The following ATP9B variants were observed in gnomAD, a reference collection of about 807,000 sequenced individuals.
ATP9B encodes the protein probable phospholipid-transporting ATPase IIB.
Under a neutral mutation model 146.1 loss-of-function variants are expected in ATP9B, and 110 were observed. That is an observed-to-expected ratio of 0.75 (90% confidence interval 0.65 to 0.88). The LOEUF is 0.88. Among genes scored for constraint, ATP9B ranks in the 40% least tolerant of loss-of-function variants. The pLI, the probability that ATP9B is intolerant of heterozygous loss-of-function variation, is 0.00. For synonymous variants in ATP9B, 604 were observed against 569.7 expected, an observed-to-expected ratio of 1.06 and a Z score of -0.86; for missense variants, 1,499 against 1,496.4, an observed-to-expected ratio of 1.00 and a Z score of -0.03.
intron 1 of ATP9B, among the ~76,000 whole-genome samples, chr18:79,083,108 G>A (rs2073436210): frequency 6.6e-6 from 1 of 152,340 alleles, no homozygotes; most frequent in African/African-American, 2.4e-5. Context: ...CCTTCCCAGA[G>A]AGGAGGAATC....
intron 12 of ATP9B, among the ~76,000 whole-genome samples, chr18:79,261,087 A>C (rs900871425): frequency 4.6e-5 from 7 of 152,140 alleles, no homozygotes; most frequent in African/African-American, 1.7e-4. Context: ...TTAGATGATG[A>C]GATCTGGGGC....
chr18:79,082,115 A>G (rs1282817008), intron 1 of ATP9B, among the ~76,000 whole-genome samples: 2 of 151,948 alleles, frequency 1.3e-5, no homozygotes, highest in African/African-American at 4.8e-5. Flanking sequence ...CTTTTCATTC[A>G]TTTTTCTCTA....
intron 7 of ATP9B, chr18:79,174,029 T>C (rs1340265761): frequency 7.6e-5 from 25 of 328,950 alleles, no homozygotes; most frequent in Non-Finnish European, 1.5e-4. Context: ...ACCCGAGGAA[T>C]TGAGCTGGAC....
intron 8 of ATP9B, among the ~76,000 whole-genome samples, chr18:79,185,072 A>G: frequency 6.6e-6 from 1 of 150,626 alleles, no homozygotes; most frequent in East Asian, 1.9e-4. Context: ...TCAGCAGGTG[A>G]CAGAGGTTAG....
Position 79,277,162 on chromosome 18 carries a change from T to G in ATP9B, c.1377T>G (p.Leu459=). 6.2e-7 allele frequency: 1 copy of G among 1,614,216 alleles called. No homozygotes were observed. The highest frequency in any genetic ancestry group is 8.5e-7 in the Non-Finnish European group (1 of 1,180,036). The change falls in exon 13 of 30, where the codon CTT becomes CTG. Residue 459 remains leucine, a synonymous_variant. Coordinates refer to ENST00000426216, the MANE Select transcript of ATP9B (RefSeq NM_198531.5). ...VVRTSTIPEE[L]GRLVYLLTDK... is the part of the protein sequence containing the mutation. ...GGACCAGCACTATCCCAGAGGAACT[T>G]GGGCGCCTGGTGTATTTATTGACAG...
Position 79,081,701 on chromosome 18 carries a change from G to T in ATP9B, c.119+12172G>T, listed in dbSNP as rs140371145. Among the ~76,000 whole-genome samples, 580 of 150,990 alleles carry T rather than the reference G, an allele frequency of 3.8e-3. 3 individuals are homozygous for T. Among genetic ancestry groups the T allele is most frequent in the South Asian group, 0.024 (116 of 4,748 alleles). On this transcript the variant is annotated intron_variant, in intron 1 of 29. Coordinates refer to ENST00000426216, the MANE Select transcript of ATP9B (RefSeq NM_198531.5). ...AGTTTGGCTGGATATACAATTCTGG[G>T]TTGAAAATTCTTTAAGAATGTTGAA...
chr18:79,184,290 G>A (rs2095282742), intron 8 of ATP9B, among the ~76,000 whole-genome samples: 1 of 152,132 alleles, frequency 6.6e-6, no homozygotes, highest in Non-Finnish European at 1.5e-5. Context: ...GCAGAGGGAA[G>A]TTGAATCTTT....
intron 8 of ATP9B, among the ~76,000 whole-genome samples, chr18:79,180,396 A>G (rs533534383): frequency 2.4e-4 from 36 of 152,234 alleles, no homozygotes; most frequent in African/African-American, 7.0e-4. Context: ...CATGTTTCCA[A>G]TGGGTGTTTT....
intron 4 of ATP9B, among the ~76,000 whole-genome samples, chr18:79,120,146 A>G (rs1205777166): frequency 6.6e-6 from 1 of 152,176 alleles, no homozygotes; most frequent in African/African-American, 2.4e-5. Context: ...TATTAACCCC[A>G]TTATATCCAG....
In ATP9B at chr18:79,347,889, C is replaced by T. The variant is rs764301018; in HGVS notation, c.2802C>T (p.Phe934=). The change falls in exon 24 of 30, where the codon TTC becomes TTT. Residue 934 remains phenylalanine (F), a synonymous_variant. Coordinates refer to ENST00000426216, the MANE Select transcript of ATP9B (RefSeq NM_198531.5). ...AGAGGTCGGCGGCACTCGGCCAGTT[C>T]GTCATGCACAGGGGCCTTATCATCT... ...SYKRSAALGQ[F]VMHRGLIIST... is the part of the protein sequence containing the mutation. 4.3e-6 allele frequency: 7 copies of T among 1,613,488 alleles called. No homozygotes were observed. Among genetic ancestry groups the T allele is most frequent in the Non-Finnish European group, 5.9e-6 (7 of 1,179,858 alleles).
intron 9 of ATP9B, among the ~76,000 whole-genome samples, chr18:79,206,042 G>A (rs528123727): frequency 2.6e-5 from 4 of 151,596 alleles, no homozygotes; most frequent in East Asian, 3.9e-4. Context: ...CCGGGTTCAC[G>A]CCATTCTCCT....
chr18:79,208,102 G>A (rs986593911), intron 10 of ATP9B, among the ~76,000 whole-genome samples: 1 of 152,142 alleles, frequency 6.6e-6, no homozygotes, highest in East Asian at 1.9e-4. Flanking sequence ...AAAATTAGCC[G>A]GGCGTGGTGG....
intron 19 of ATP9B, among the ~76,000 whole-genome samples, chr18:79,338,368 C>T (rs1325484142): frequency 6.6e-6 from 1 of 152,196 alleles, no homozygotes; most frequent in Non-Finnish European, 1.5e-5. Context: ...AGCTGGAGGA[C>T]ACCCCCTCTA....
At chr18:79,102,363 AT>A (rs869309914) in intron 2 of ATP9B, among the ~76,000 whole-genome samples, 4 of 152,120 alleles carry the variant, frequency 2.6e-5, no homozygotes, top group Non-Finnish European at 4.4e-5. Context: ...ATTTAAAAAA[AT>A]TTTTTTGGTG....
Position 79,377,255 on chromosome 18 carries a change from T to A in ATP9B, c.3316T>A (p.Phe1106Ile). 1 of 1,611,940 alleles carries A rather than the reference T, an allele frequency of 6.2e-7. No individual in the cohort carries two copies. The highest frequency in any genetic ancestry group is 8.5e-7 in the Non-Finnish European group (1 of 1,179,988). ...CTGTTTCCTGCCAACAGATGTTGCC[T>A]TTATCACCACCGTGACCTTCCTGTG... ...VSFGAFLDVA[F>I]ITTVTFLWKV... is the part of the protein sequence containing the mutation. The change falls in exon 30 of 30, where the codon TTT becomes ATT. Residue 1106 changes from phenylalanine (F) to isoleucine (I), a missense_variant. Coordinates refer to ENST00000426216, the MANE Select transcript of ATP9B (RefSeq NM_198531.5).
At chr18:79,122,046 A>C (rs541998952) in intron 4 of ATP9B, among the ~76,000 whole-genome samples, 1 of 152,154 alleles carries the variant, frequency 6.6e-6, no homozygotes, top group Admixed American at 6.5e-5. Context: ...AGAGTTTAAC[A>C]TATGTGTCTG....
At chr18:79,235,677 G>A (rs1222653239) in intron 11 of ATP9B, among the ~76,000 whole-genome samples, 3 of 151,878 alleles carry the variant, frequency 2.0e-5, no homozygotes, top group African/African-American at 7.3e-5. Context: ...GCTCCCGGGA[G>A]TGTCCCCTCC....
intron 14 of ATP9B, among the ~76,000 whole-genome samples, chr18:79,305,879 TTTATAACCTGATTGTA>T (rs2096617692): frequency 6.6e-6 from 1 of 152,222 alleles, no homozygotes; most frequent in Non-Finnish European, 1.5e-5. Context: ...ACACAGATCT[TTTATAACCTGATTGTA>T]TTTCCCCACT....
intron 6 of ATP9B, among the ~76,000 whole-genome samples, chr18:79,147,331 T>G (rs1335973939): frequency 6.6e-6 from 1 of 152,232 alleles, no homozygotes; most frequent in African/African-American, 2.4e-5. Context: ...AAGATTTGCA[T>G]AGGCAGCAGG....
Sources: allele counts gnomAD v4.1 joint callset (sites outside exome capture counted in the v4.1 genomes callset), GRCh38; gene constraint gnomAD v4.1.1; transcripts MANE v1.5; gene names NCBI Gene and HGNC (gene_info 2026-07-23, HGNC 2026-07-21).